The following MAP3K1 variants were observed in gnomAD, a reference collection of about 807,000 sequenced individuals.
The protein encoded by MAP3K1 is mitogen-activated protein kinase kinase kinase 1.
MAP3K1 carries 36 observed loss-of-function variants against 144.2 expected under a neutral mutation model. The observed-to-expected ratio is 0.25, with a 90% CI of 0.19 to 0.33. The LOEUF (loss-of-function observed/expected upper bound fraction) is 0.33, where lower values mean the gene tolerates loss of function less well. Among genes scored for constraint, MAP3K1 ranks in the 10% least tolerant of loss-of-function variants. MAP3K1 has a pLI of 1.00. For synonymous variants in MAP3K1, 718 were observed against 688.7 expected (o/e 1.04, Z -0.67); for missense variants, 1,650 against 1,881.9 (o/e 0.88, Z 2.28).
chr5:56,834,976 CTTA>C (rs1173416202), intron 1 of MAP3K1, among the ~76,000 whole-genome samples: 2 of 151,898 alleles, frequency 1.3e-5, no homozygotes, highest in Non-Finnish European at 2.9e-5. Context: ...AAGTTAATTA[CTTA>C]TTAGTGGTAA....
In MAP3K1 at chr5:56,882,094, A is replaced by C; in HGVS notation, c.2894A>C (p.Gln965Pro). 6.2e-7 allele frequency: 1 copy of C among 1,614,178 alleles called. No homozygotes were observed. Among genetic ancestry groups the C allele is most frequent in the African/African-American group, 1.3e-5 (1 of 75,044 alleles). Residue 965 changes from glutamine (Q) to proline (P), a missense_variant, in exon 14 of 20, where the codon CAG becomes CCG. Gln to Pro is a moderately conservative substitution (Grantham distance 76, BLOSUM62 -1). Transcript: ENST00000399503. The stretch of plus-strand genomic sequence containing the variant: ...CAAACAAAAGGCAGACCCCACAGTC[A>C]GTGTTTGAACTCCTCTCCTTTATCT... ...MVQTKGRPHS[Q>P]CLNSSPLSHH...
intron 2 of MAP3K1, 49 bp downstream of exon 2, chr5:56,856,799 A>T (rs369906865): frequency 1.1e-4 from 183 of 1,592,812 alleles, no homozygotes; most frequent in Non-Finnish European, 1.5e-4. Context: ...ATAGGAGGAA[A>T]TGGAAAAGTA....
chr5:56,882,883 T>A lies in MAP3K1; in HGVS notation c.3666+17T>A. Reference sequence around the variant, plus strand: ...CAACAGGATGTAAGTATAGATTCTTTAAGAGGTTAGAAAACTTCCTTGGGG... The same window carrying A: ...CAACAGGATGTAAGTATAGATTCTTAAAGAGGTTAGAAAACTTCCTTGGGG... On this transcript the variant is annotated intron_variant, in intron 14 of 19. Transcript: ENST00000399503. 6.3e-7 allele frequency: 1 copy of A among 1,595,744 alleles called. No individual in the cohort carries two copies. The highest frequency in any genetic ancestry group is 8.5e-7 in the Non-Finnish European group (1 of 1,172,404).
chr5:56,820,400 G>C, intron 1 of MAP3K1: 12 of 981,908 alleles, frequency 1.2e-5, no homozygotes, highest in Non-Finnish European at 1.5e-5. Flanking sequence ...TTTTTAAGGA[G>C]AAATTTGTTT....
chr5:56,848,555 C>T (rs1185843339), intron 1 of MAP3K1, among the ~76,000 whole-genome samples: 1 of 152,194 alleles, frequency 6.6e-6, no homozygotes, highest in Non-Finnish European at 1.5e-5. Context: ...CTTTCCTTGT[C>T]TAGTTCAGCC....
At chr5:56,841,535 G>T (rs947990926) in intron 1 of MAP3K1, among the ~76,000 whole-genome samples, 3 of 152,066 alleles carry the variant, frequency 2.0e-5, no homozygotes, top group Non-Finnish European at 4.4e-5. Flanking sequence ...AACATGGAGA[G>T]CCACTGGATT....
intron 1 of MAP3K1, among the ~76,000 whole-genome samples, chr5:56,816,790 C>T (rs1166689601): frequency 6.6e-6 from 1 of 152,228 alleles, no homozygotes; most frequent in Non-Finnish European, 1.5e-5. Context: ...TTGCAGCCCC[C>T]AAGGGGCTTT....
At chr5:56,873,934 C>T (rs1747938098) in intron 9 of MAP3K1, among the ~76,000 whole-genome samples, 1 of 152,088 alleles carries the variant, frequency 6.6e-6, no homozygotes, top group African/African-American at 2.4e-5. Flanking sequence ...AGGCCCTCAC[C>T]TGCCCTTTCA....
intron 12 of MAP3K1, 73 bp downstream of exon 12, chr5:56,880,875 A>T (rs954083899): frequency 2.4e-6 from 3 of 1,260,882 alleles, no homozygotes; most frequent in Non-Finnish European, 3.5e-6. Flanking sequence ...TAATCTCATA[A>T]TCTCTCATGA....
In MAP3K1 at chr5:56,885,883, C is replaced by T. The variant is rs202180400; in HGVS notation, c.3983-49C>T. 61 of 1,562,068 alleles carry T rather than the reference C, an allele frequency of 3.9e-5. No individual in the cohort carries two copies. In the African/African-American group the frequency reaches 8.2e-4, roughly 21 times the overall value. On this transcript the variant is annotated intron_variant, in intron 16 of 19. Coordinates refer to ENST00000399503, the MANE Select transcript of MAP3K1 (RefSeq NM_005921.2). ...TTTAGAAACCAAAGTGTAATAAATA[C>T]TTTTAATTCTGTCTTAAGTTTATGA...
intron 2 of MAP3K1, among the ~76,000 whole-genome samples, chr5:56,859,090 G>A (rs889727201): frequency 2.7e-5 from 4 of 145,474 alleles, no homozygotes; most frequent in African/African-American, 5.0e-5. Flanking sequence ...AAAAAGGCAG[G>A]TCTTGTAAAC....
At chr5:56,867,263 T>A (rs1747704436) in intron 6 of MAP3K1, among the ~76,000 whole-genome samples, 1 of 152,176 alleles carries the variant, frequency 6.6e-6, no homozygotes, top group Non-Finnish European at 1.5e-5. Context: ...TGCATATCCA[T>A]GGGGGGAATC....
chr5:56,881,167 T>G lies in MAP3K1; in HGVS notation c.2264T>G (p.Leu755Arg). 6.2e-7 allele frequency: 1 copy of G among 1,613,890 alleles called. No individual in the cohort carries two copies. The highest frequency in any genetic ancestry group is 8.5e-7 in the Non-Finnish European group (1 of 1,179,910). Reference sequence around the variant, plus strand: ...GAATCAAACAATTGGCAAGAACTTCTTGGCCGCCTTTGTCTTATAGATAGA... The same window carrying G: ...GAATCAAACAATTGGCAAGAACTTCGTGGCCGCCTTTGTCTTATAGATAGA... ...QTESNNWQEL[L>R]GRLCLIDRLL... is the part of the protein sequence containing the mutation. The change falls in exon 13 of 20, where the codon CTT becomes CGT. Residue 755 changes from leucine (L) to arginine (R), a missense_variant. Physicochemically the swap from Leu to Arg is moderately radical, Grantham distance 102. Coordinates refer to ENST00000399503, the MANE Select transcript of MAP3K1 (RefSeq NM_005921.2).
chr5:56,883,752 A>G (rs1010023540), intron 15 of MAP3K1, 73 bp downstream of exon 15: 1 of 1,480,772 alleles, frequency 6.8e-7, no homozygotes, highest in African/African-American at 1.4e-5. Flanking sequence ...AAAAGAATAA[A>G]GGATATGTCC....
intron 16 of MAP3K1, 124 bp downstream of exon 16, chr5:56,884,950 C>A: frequency 1.3e-6 from 1 of 796,948 alleles, no homozygotes. Context: ...AACAAATCAC[C>A]CCAATATATT....
intron 1 of MAP3K1, among the ~76,000 whole-genome samples, chr5:56,829,546 C>T (rs766792209): frequency 2.0e-5 from 3 of 152,178 alleles, no homozygotes; most frequent in Admixed American, 1.3e-4. Flanking sequence ...GCAGAGCACA[C>T]GGACATTCAG....
At chr5:56,816,135 G>C in intron 1 of MAP3K1, 80 bp downstream of exon 1, 2 of 1,146,034 alleles carry the variant, frequency 1.7e-6, no homozygotes, top group Non-Finnish European at 2.2e-6. Flanking sequence ...CACCATGCAC[G>C]GCGTCCCGGG....
chr5:56,816,302 T>A (rs1405155940), intron 1 of MAP3K1, among the ~76,000 whole-genome samples: 1 of 151,710 alleles, frequency 6.6e-6, no homozygotes, highest in Admixed American at 6.5e-5. Flanking sequence ...GTGACAGGCG[T>A]GCGAGCCTCT....
At chr5:56,891,503 A>G (rs1054032444) in intron 19 of MAP3K1, among the ~76,000 whole-genome samples, 11 of 152,134 alleles carry the variant, frequency 7.2e-5, no homozygotes, top group African/African-American at 2.7e-4. Flanking sequence ...GTTCACTCTG[A>G]TGGTAGTTTC....
Sources: gnomAD v4.1 joint callset for allele counts (sites outside exome capture counted in the v4.1 genomes callset) on GRCh38, gnomAD v4.1.1 for gene constraint, MANE v1.5 for transcripts, NCBI Gene and HGNC (gene_info 2026-07-23, HGNC 2026-07-21) for gene names.